EIF4G3: variants seen among roughly 807,000 people sequenced by gnomAD.
EIF4G3 encodes the protein eIF-4-gamma 3.
EIF4G3 carries 34 observed loss-of-function variants against 186.4 expected under a neutral mutation model. The observed-to-expected ratio is 0.18, with a 90% confidence interval of 0.14 to 0.24. The LOEUF (loss-of-function observed/expected upper bound fraction) is 0.24, where lower values mean the gene tolerates loss of function less well. Ranked by LOEUF, EIF4G3 falls within the 10% of genes least tolerant of loss-of-function variation. The probability of loss-of-function intolerance (pLI) is 1.00; values close to 1 mark genes in which losing one functional copy is unlikely to be tolerated. For missense variants in EIF4G3, 1,536 were observed against 1,948.5 expected (o/e 0.79, Z 3.99); for synonymous variants, 673 against 679.5 (o/e 0.99, Z 0.15).
chr1:20,967,786 A>G (rs1449234288), intron 12 of EIF4G3, among the ~76,000 whole-genome samples: 2 of 152,240 alleles, frequency 1.3e-5, no homozygotes, highest in Non-Finnish European at 2.9e-5. Flanking sequence ...TACTAAAATG[A>G]AGTCAATAGT....
chr1:21,021,419 A>T (rs921559772), intron 4 of EIF4G3, among the ~76,000 whole-genome samples: 3 of 152,156 alleles, frequency 2.0e-5, no homozygotes, highest in African/African-American at 7.2e-5. Context: ...ACAACTCACA[A>T]TTTCTCAGAC....
At chr1:20,966,912 C>T (rs148917185) in intron 12 of EIF4G3, among the ~76,000 whole-genome samples, 1 of 152,272 alleles carries the variant, frequency 6.6e-6, no homozygotes, top group African/African-American at 2.4e-5. Flanking sequence ...GAATTTCATG[C>T]ATTTGGATTT....
chr1:20,982,350 A>C, intron 8 of EIF4G3, 38 bp downstream of exon 8: 1 of 1,457,906 alleles, frequency 6.9e-7, no homozygotes, highest in Non-Finnish European at 9.1e-7. Context: ...AAGCAGACTG[A>C]GTTATAAAGA....
At chr1:20,978,742 G>A (rs2077375704) in intron 10 of EIF4G3, among the ~76,000 whole-genome samples, 1 of 151,528 alleles carries the variant, frequency 6.6e-6, no homozygotes, top group Admixed American at 6.6e-5. Context: ...GATGCCCACT[G>A]GGGGTCTTGG....
chr1:21,053,094 AGG>A (rs1464652294), intron 3 of EIF4G3, among the ~76,000 whole-genome samples: 1 of 149,940 alleles, frequency 6.7e-6, no homozygotes, highest in African/African-American at 2.5e-5. Context: ...CTGGAAAGTG[AGG>A]AGCGTCTCTG....
intron 2 of EIF4G3, among the ~76,000 whole-genome samples, chr1:21,159,508 G>A (rs1477187335): frequency 5.3e-5 from 8 of 151,856 alleles, no homozygotes; most frequent in African/African-American, 1.5e-4. Flanking sequence ...AGGCCGAAGC[G>A]GGCTGATCAC....
intron 23 of EIF4G3, among the ~76,000 whole-genome samples, chr1:20,861,792 C>T (rs2076405690): frequency 6.6e-6 from 1 of 151,952 alleles, no homozygotes; most frequent in Admixed American, 6.6e-5. Context: ...TGGCCAACAG[C>T]GTGAAATCCT....
At chr1:20,882,781 T>C (rs761449607) in intron 19 of EIF4G3, among the ~76,000 whole-genome samples, 3 of 151,176 alleles carry the variant, frequency 2.0e-5, no homozygotes, top group Non-Finnish European at 3.0e-5. Flanking sequence ...GGGCAATAGA[T>C]TTAAGACCCT....
chr1:20,961,642 T>C (rs564018859), intron 12 of EIF4G3, among the ~76,000 whole-genome samples: 1 of 152,296 alleles, frequency 6.6e-6, no homozygotes, highest in African/African-American at 2.4e-5. Flanking sequence ...TTCATTTTAA[T>C]CTATGAAACA....
At chr1:21,147,585 C>G (rs1349053491) in intron 2 of EIF4G3, among the ~76,000 whole-genome samples, 2 of 152,126 alleles carry the variant, frequency 1.3e-5, no homozygotes, top group East Asian at 3.9e-4. Flanking sequence ...CCCACCTCAG[C>G]CTCCCAAAGT....
intron 2 of EIF4G3, among the ~76,000 whole-genome samples, chr1:21,113,401 A>C (rs1332989449): frequency 6.6e-6 from 1 of 151,946 alleles, no homozygotes; most frequent in Non-Finnish European, 1.5e-5. Flanking sequence ...TGTTATTTTG[A>C]AGTCTGTGGA....
At chr1:20,817,595 A>G in intron 33 of EIF4G3, 57 bp from the exon 34 acceptor site, 1 of 1,157,928 alleles carries the variant, frequency 8.6e-7, no homozygotes, top group Non-Finnish European at 1.1e-6. Context: ...TGTTATTGTC[A>G]TCCTGAGAGA....
intron 4 of EIF4G3, among the ~76,000 whole-genome samples, chr1:21,017,536 G>A (rs1485077490): frequency 1.3e-5 from 2 of 149,862 alleles, no homozygotes; most frequent in East Asian, 2.0e-4. Flanking sequence ...GCTGAGGCAG[G>A]AGAATGGCGT....
At chr1:21,066,454 A>G (rs999751526) in intron 3 of EIF4G3, among the ~76,000 whole-genome samples, 1 of 152,174 alleles carries the variant, frequency 6.6e-6, no homozygotes, top group Admixed American at 6.5e-5. Context: ...ACAGAGTCAA[A>G]AGTTCTTTGG....
chr1:21,169,121 T>C (rs898361327), intron 2 of EIF4G3, among the ~76,000 whole-genome samples: 1 of 151,902 alleles, frequency 6.6e-6, no homozygotes, highest in African/African-American at 2.4e-5. Context: ...TAGTGAGCCA[T>C]GACCATGCCC....
rs531987946 is a variant in EIF4G3 at position 21,110,537 on chromosome 1, C to T, written c.-271-21324G>A. Among the ~76,000 whole-genome samples the T allele has an allele frequency of 3.3e-5, 5 of 152,258 alleles. No homozygotes were observed. In the South Asian group the frequency reaches 8.3e-4, roughly 25 times the overall value. ...CTTGAACTCCTGAGCTCAGGCAATT[C>T]GCCCACCTCGGCCTTCCAAAGTGCT... On this transcript the variant is annotated intron_variant, in intron 2 of 36. Transcript: ENST00000602326.
intron 24 of EIF4G3, among the ~76,000 whole-genome samples, chr1:20,857,951 C>A (rs955263286): frequency 2.0e-5 from 3 of 152,210 alleles, no homozygotes; most frequent in Admixed American, 6.5e-5. Flanking sequence ...GGTGGAAAAC[C>A]TTGACTCCTC....
intron 11 of EIF4G3, among the ~76,000 whole-genome samples, chr1:20,970,003 A>G (rs2075500567): frequency 6.6e-6 from 1 of 151,874 alleles, no homozygotes; most frequent in African/African-American, 2.4e-5. Context: ...TCGCTCTATC[A>G]CCCAGGCTGG....
chr1:21,086,529 A>G (rs1327062921), intron 3 of EIF4G3, among the ~76,000 whole-genome samples: 1 of 152,084 alleles, frequency 6.6e-6, no homozygotes, highest in Non-Finnish European at 1.5e-5. Context: ...CTCTACCTAC[A>G]GAAGTCTTGC....
Sources: allele counts gnomAD v4.1 joint callset (sites outside exome capture counted in the v4.1 genomes callset), GRCh38; gene constraint gnomAD v4.1.1; transcripts MANE v1.5; gene names NCBI Gene and HGNC (gene_info 2026-07-23, HGNC 2026-07-21).